The following CDH4 variants were observed in gnomAD, a reference collection of about 807,000 sequenced individuals.
CDH4 encodes cadherin 4, also known as cadherin-4.
A neutral mutation model predicts 86.0 loss-of-function variants in CDH4; 33 were observed. That is an observed-to-expected ratio of 0.38 (90% CI 0.29 to 0.51). CDH4 has a LOEUF of 0.51. CDH4 is among the 20% of genes least tolerant of loss of function. CDH4 has a pLI of 0.86. For synonymous variants in CDH4, 555 were observed against 549.4 expected (o/e 1.01, Z -0.14); for missense variants, 1,114 against 1,307.4 (o/e 0.85, Z 2.28).
chr20:61,468,620 G>C (rs1379864794), intron 2 of CDH4, among the ~76,000 whole-genome samples: 1 of 152,050 alleles, frequency 6.6e-6, no homozygotes, highest in East Asian at 1.9e-4. Flanking sequence ...ACCCTGCTGT[G>C]CTATGAAATA....
chr20:61,687,442 C>T (rs1337916582), intron 2 of CDH4, among the ~76,000 whole-genome samples: 1 of 152,182 alleles, frequency 6.6e-6, no homozygotes, highest in Non-Finnish European at 1.5e-5. Flanking sequence ...CCCCGGGGAC[C>T]CACAGACACT....
intron 2 of CDH4, among the ~76,000 whole-genome samples, chr20:61,407,869 T>G (rs1038513340): frequency 3.9e-5 from 6 of 152,182 alleles, no homozygotes; most frequent in African/African-American, 1.4e-4. Context: ...GGAGACACAC[T>G]GTGTGATGCT....
intron 2 of CDH4, among the ~76,000 whole-genome samples, chr20:61,597,356 C>T (rs1229541730): frequency 2.6e-5 from 4 of 152,216 alleles, no homozygotes; most frequent in Non-Finnish European, 5.9e-5. Context: ...TTTGCAAGCC[C>T]CGCTCACCTT....
chr20:61,495,369 A>G (rs2085653284), intron 2 of CDH4, among the ~76,000 whole-genome samples: 1 of 152,184 alleles, frequency 6.6e-6, no homozygotes, highest in Non-Finnish European at 1.5e-5. Flanking sequence ...GAGGGAGTCC[A>G]GCCACATGGA....
At chr20:61,394,641 G>A (rs2085005676) in intron 2 of CDH4, among the ~76,000 whole-genome samples, 1 of 151,726 alleles carries the variant, frequency 6.6e-6, no homozygotes, top group Non-Finnish European at 1.5e-5. Flanking sequence ...AGCAGTCAGG[G>A]GGCAGATAAG....
chr20:61,694,437 G>A (rs1291866485), intron 2 of CDH4, among the ~76,000 whole-genome samples: 2 of 152,146 alleles, frequency 1.3e-5, no homozygotes, highest in Non-Finnish European at 2.9e-5. Flanking sequence ...CTTTCAAGAT[G>A]ACCCTTTGAC....
chr20:61,664,063 G>C (rs529599811), intron 2 of CDH4, among the ~76,000 whole-genome samples: 2 of 152,130 alleles, frequency 1.3e-5, no homozygotes, highest in Admixed American at 1.3e-4. Flanking sequence ...GGGGCTGACC[G>C]GGCCTCAGTC....
chr20:61,862,955 TTC>T (rs1469104405), intron 6 of CDH4, among the ~76,000 whole-genome samples: 4 of 152,212 alleles, frequency 2.6e-5, no homozygotes, highest in Non-Finnish European at 5.9e-5. Flanking sequence ...TTTATTTATT[TTC>T]TTTCTTTGCC....
chr20:61,934,137 G>A lies in CDH4; in HGVS notation c.2461G>A (p.Glu821Lys). The change falls in exon 15 of 16, where the codon GAG becomes AAG. Residue 821 changes from glutamate to lysine, a missense_variant. Around this residue, in one of 3 missense-constraint regions of CDH4, gnomAD observed 188 missense variants for 183.8 expected, o/e 1.02. Transcript: ENST00000614565. ...SKAPGVRRVDERPVGAEPQYP... is the reference protein window; with the variant it reads ...SKAPGVRRVDKRPVGAEPQYP... ...AGCCCCTGGCGTGCGTCGCGTGGAT[G>A]AGCGGCCGGTGGGCGCTGAGCCCCA... is the stretch of plus-strand genomic sequence containing the variant. 1 of 1,611,098 alleles carries A rather than the reference G, an allele frequency of 6.2e-7. No homozygotes were observed. Among genetic ancestry groups the A allele is most frequent in the South Asian group, 1.1e-5 (1 of 90,882 alleles).
Position 61,554,776 on chromosome 20 carries a change from G to A in CDH4, c.170-188787G>A, listed in dbSNP as rs116491542. On this transcript the variant is annotated intron_variant, in intron 2 of 15. Coordinates refer to ENST00000614565, the MANE Select transcript of CDH4 (RefSeq NM_001794.5). ...GAACATATATGTGCATATGTGCATG[G>A]TGTGAACATGTTTTCACACGTGCAC... 3.7e-3 allele frequency among the ~76,000 whole-genome samples: 565 copies of A among 152,346 alleles called. 2 individuals carry two copies. The highest frequency in any genetic ancestry group is 0.013 in the African/African-American group (550 of 41,560).
chr20:61,676,899 G>A lies in CDH4; in HGVS notation c.170-66664G>A, dbSNP rs1423221287. Reference sequence around the variant, plus strand: ...GAGGCCTGACTGGGTGGCCTCTGCTGGAGGACCTGATGGGGTGAGGTGGTG... The same window carrying A: ...GAGGCCTGACTGGGTGGCCTCTGCTAGAGGACCTGATGGGGTGAGGTGGTG... On this transcript the variant is annotated intron_variant, in intron 2 of 15. Transcript: ENST00000614565. The surrounding 1 kb of genome is among the most constrained non-coding windows in gnomAD (Gnocchi z 4.5). 6.6e-6 allele frequency among the ~76,000 whole-genome samples: 1 copy of A among 152,194 alleles called. No homozygotes were observed. The highest frequency in any genetic ancestry group is 6.5e-5 in the Admixed American group (1 of 15,276).
At chr20:61,897,377 C>T (rs1461979181) in intron 8 of CDH4, among the ~76,000 whole-genome samples, 3 of 152,076 alleles carry the variant, frequency 2.0e-5, no homozygotes, top group Non-Finnish European at 4.4e-5. Context: ...CCCTTCTAGA[C>T]CTAGTGGACC....
intron 2 of CDH4, among the ~76,000 whole-genome samples, chr20:61,286,789 C>T (rs748003250): frequency 6.6e-6 from 1 of 152,210 alleles, no homozygotes; most frequent in African/African-American, 2.4e-5. Flanking sequence ...GCATCTGTTC[C>T]TATTCTGTGA....
At chr20:61,320,516 G>A (rs1377692145) in intron 2 of CDH4, among the ~76,000 whole-genome samples, 1 of 151,994 alleles carries the variant, frequency 6.6e-6, no homozygotes, top group Non-Finnish European at 1.5e-5. Context: ...TTTTACTTCA[G>A]CCAGAGGGTC....
At chr20:61,462,573 T>C (rs1215710911) in intron 2 of CDH4, among the ~76,000 whole-genome samples, 3 of 95,396 alleles carry the variant, frequency 3.1e-5, no homozygotes, top group Admixed American at 2.3e-4. Flanking sequence ...CTCACTCAGC[T>C]TGTGCATTGC....
intron 2 of CDH4, among the ~76,000 whole-genome samples, chr20:61,651,512 C>T (rs1444062681): frequency 1.3e-5 from 2 of 152,162 alleles, no homozygotes; most frequent in African/African-American, 4.8e-5. Flanking sequence ...TGCGGTCAGC[C>T]CCCGCCTGGA....
chr20:61,564,817 G>T (rs2086251821), intron 2 of CDH4, among the ~76,000 whole-genome samples: 1 of 152,162 alleles, frequency 6.6e-6, no homozygotes, highest in Admixed American at 6.5e-5. Context: ...CTCCCTCAGG[G>T]ATTCAAACAA....
chr20:61,892,830 C>T (rs975922398), intron 7 of CDH4, among the ~76,000 whole-genome samples: 1 of 152,030 alleles, frequency 6.6e-6, no homozygotes, highest in Non-Finnish European at 1.5e-5. Context: ...CATCAGCTGC[C>T]AGTTTGGCTT....
intron 2 of CDH4, among the ~76,000 whole-genome samples, chr20:61,641,000 G>T (rs533752643): frequency 6.6e-6 from 1 of 152,188 alleles, no homozygotes; most frequent in Non-Finnish European, 1.5e-5. Flanking sequence ...TGGTGGCTAC[G>T]TTTGCTGCAC....
Sources: allele counts gnomAD v4.1 joint callset (sites outside exome capture counted in the v4.1 genomes callset), GRCh38; gene constraint gnomAD v4.1.1; regional missense constraint gnomAD v4.1.1; non-coding constraint Gnocchi (gnomAD v3.1); transcripts MANE v1.5; gene names NCBI Gene and HGNC (gene_info 2026-07-23, HGNC 2026-07-21).